The following ANO6 variants were observed in gnomAD, a reference collection of about 807,000 sequenced individuals.
ANO6 encodes anoctamin-6.
Under a neutral mutation model 117.5 loss-of-function variants are expected in ANO6, and 106 were observed. The ratio of observed to expected loss-of-function variants is 0.90; its 90% CI spans 0.77 to 1.06. The LOEUF (loss-of-function observed/expected upper bound fraction) is 1.06. Ranked by LOEUF, ANO6 falls within the 50% of genes least tolerant of loss-of-function variation. The pLI, the probability that ANO6 is intolerant of heterozygous loss-of-function variation, is 0.00. For synonymous variants in ANO6, 367 were observed against 385.1 expected, an observed-to-expected ratio of 0.95 and a Z score of 0.55; for missense variants, 955 against 1,121.1, an observed-to-expected ratio of 0.85 and a Z score of 2.12.
chr12:45,333,138 G>A (rs1451674243), intron 3 of ANO6, among the ~76,000 whole-genome samples: 1 of 151,630 alleles, frequency 6.6e-6, no homozygotes, highest in Non-Finnish European at 1.5e-5. Context: ...ATATAATTAT[G>A]GTTAAGATTA....
intron 1 of ANO6, among the ~76,000 whole-genome samples, chr12:45,227,541 T>G (rs1947503319): frequency 6.6e-6 from 1 of 152,128 alleles, no homozygotes. Context: ...GTATGCACAG[T>G]ACTGGACAAG....
At chr12:45,259,008 A>G (rs200421539) in intron 1 of ANO6, among the ~76,000 whole-genome samples, 125 of 152,282 alleles carry the variant, frequency 8.2e-4, no homozygotes, top group East Asian at 2.9e-3. Context: ...TTCTTGGGGA[A>G]GGGGTGGATT....
At chr12:45,230,649 C>T (rs1291261835) in intron 1 of ANO6, among the ~76,000 whole-genome samples, 3 of 151,744 alleles carry the variant, frequency 2.0e-5, no homozygotes, top group Non-Finnish European at 4.4e-5. Context: ...AGGTAAGGTT[C>T]ATAATAGAAT....
chr12:45,377,797 C>T (rs1480479966), intron 9 of ANO6, among the ~76,000 whole-genome samples: 1 of 152,128 alleles, frequency 6.6e-6, no homozygotes, highest in African/African-American at 2.4e-5. Context: ...ATACCTGTTT[C>T]CTTATTGGGA....
chr12:45,275,954 C>T (rs986906954), intron 1 of ANO6, among the ~76,000 whole-genome samples: 2 of 152,128 alleles, frequency 1.3e-5, no homozygotes, highest in African/African-American at 4.8e-5. Context: ...ACACTGAGCT[C>T]TTCTGAGTTC....
chr12:45,367,580 CTAG>C (rs1941718119), intron 8 of ANO6, 105 bp from the exon 9 acceptor site: 1 of 805,428 alleles, frequency 1.2e-6, no homozygotes, highest in African/African-American at 1.7e-5. Flanking sequence ...ACTTCTGTTT[CTAG>C]TTTTACAAGA....
chr12:45,336,204 C>G (rs773648135), intron 3 of ANO6, among the ~76,000 whole-genome samples: 2 of 151,930 alleles, frequency 1.3e-5, no homozygotes, highest in Non-Finnish European at 2.9e-5. Flanking sequence ...GGTTTTAAAG[C>G]TTATCAAATG....
At chr12:45,266,675 T>C (rs571044520) in intron 1 of ANO6, among the ~76,000 whole-genome samples, 21 of 152,250 alleles carry the variant, frequency 1.4e-4, no homozygotes, top group African/African-American at 5.1e-4. Flanking sequence ...CATGCACTTG[T>C]AGTTCGAGCT....
At position 45,401,837 on chromosome 12, in the gene ANO6, A is replaced by G; in HGVS notation, c.1429A>G (p.Arg477Gly). Residue 477 changes from arginine to glycine, a missense_variant, in exon 13 of 20, where the codon AGG becomes GGG. By Grantham distance (125) the Arg-to-Gly change is moderately radical. Transcript: ENST00000320560. The stretch of plus-strand genomic sequence containing the variant: ...TTCAGTTATTGGGATCATTGTCTAT[A>G]GGCTCTCGGTGTTCATTGTATTTTC... ...IASVIGIIVY[R>G]LSVFIVFSAK... The G allele has an allele frequency of 6.2e-7, 1 of 1,614,006 alleles. No homozygotes were observed. Among genetic ancestry groups the G allele is most frequent in the Non-Finnish European group, 8.5e-7 (1 of 1,179,996 alleles).
intron 1 of ANO6, among the ~76,000 whole-genome samples, chr12:45,239,680 A>G (rs1249992933): frequency 6.6e-6 from 1 of 152,176 alleles, no homozygotes; most frequent in Non-Finnish European, 1.5e-5. Context: ...TCTTGTGGGC[A>G]TTTAGTGCTA....
intron 1 of ANO6, among the ~76,000 whole-genome samples, chr12:45,281,423 G>A (rs906177265): frequency 1.3e-5 from 2 of 152,178 alleles, no homozygotes; most frequent in African/African-American, 2.4e-5. Flanking sequence ...AGTTCTGCAG[G>A]CTATACAGGA....
chr12:45,289,923 C>T (rs1939040709), intron 1 of ANO6, among the ~76,000 whole-genome samples: 1 of 152,180 alleles, frequency 6.6e-6, no homozygotes, highest in Non-Finnish European at 1.5e-5. Flanking sequence ...AGAATTCAAA[C>T]ATCCATAAAG....
intron 1 of ANO6, among the ~76,000 whole-genome samples, chr12:45,262,154 C>G (rs1237261785): frequency 6.6e-6 from 1 of 152,160 alleles, no homozygotes; most frequent in Non-Finnish European, 1.5e-5. Flanking sequence ...CCCAACACTA[C>G]CCCTCAAAGA....
At chr12:45,245,165 T>G (rs1947805726) in intron 1 of ANO6, among the ~76,000 whole-genome samples, 1 of 152,204 alleles carries the variant, frequency 6.6e-6, no homozygotes, top group African/African-American at 2.4e-5. Flanking sequence ...TGAAACCACC[T>G]TTGTGGACTG....
rs148639410 is a variant in ANO6, at chr12:45,337,820, A to G, written c.279+6397A>G. On this transcript the variant is annotated intron_variant, in intron 3 of 19. Transcript: ENST00000320560. Reference sequence around the variant, plus strand: ...ACAAAAGTTTGTGACGTGTAAATGCATATGTTAATCAGCTTGATTTTGGCT... The same window carrying G: ...ACAAAAGTTTGTGACGTGTAAATGCGTATGTTAATCAGCTTGATTTTGGCT... 3.9e-3 allele frequency among the ~76,000 whole-genome samples: 591 copies of G among 152,148 alleles called. 2 individuals carry two copies. The highest frequency in any genetic ancestry group is 5.6e-3 in the Admixed American group (86 of 15,260).
chr12:45,243,255 G>T (rs1171776673), intron 1 of ANO6, among the ~76,000 whole-genome samples: 4 of 152,186 alleles, frequency 2.6e-5, no homozygotes, highest in Non-Finnish European at 5.9e-5. Context: ...GGAGGTTGAG[G>T]CTGCAGTGAG....
Position 45,439,695 on chromosome 12 carries a change from G to A in ANO6, c.2547G>A (p.Arg849=), listed in dbSNP as rs1163738728. The A allele has an allele frequency of 6.0e-6, 9 of 1,502,946 alleles. No homozygotes were observed. The Admixed American group carries it at 1.5e-4, about 25-fold the overall frequency. 93.1% of individuals were successfully genotyped at this position (1,502,946 alleles called of 1,614,324 possible). ...GACAGTATCTCGCTTTGTTGCCCAGGCTGGGACACAGTGGCATGATCTTGG... is the reference window on the plus strand; with the variant it reads ...GACAGTATCTCGCTTTGTTGCCCAGACTGGGACACAGTGGCATGATCTTGG... The change falls in exon 20 of 20, where the codon AGG becomes AGA. Residue 849 remains arginine, a synonymous_variant. Coordinates refer to the ANO6 transcript ENST00000425752.
chr12:45,402,783 T>C (rs117913659), intron 13 of ANO6, among the ~76,000 whole-genome samples: 1 of 152,222 alleles, frequency 6.6e-6, no homozygotes, highest in African/African-American at 2.4e-5. Flanking sequence ...CAGTTCTTAT[T>C]TGATAACACT....
chr12:45,334,979 A>T lies in ANO6; in HGVS notation c.279+3556A>T, dbSNP rs566752366. Among the ~76,000 whole-genome samples, 35 of 152,104 alleles carry T rather than the reference A, an allele frequency of 2.3e-4. No individual in the cohort carries two copies. The South Asian group carries it at 7.3e-3, about 32-fold the overall frequency. On this transcript the variant is annotated intron_variant, in intron 3 of 19. Coordinates refer to ENST00000320560, the MANE Select transcript of ANO6 (RefSeq NM_001025356.3). ...TGTGTTAGTGACCAAGTAATGGTAC[A>T]ATTCAGATGAGGGTGAAGATGGGGA... is the stretch of plus-strand genomic sequence containing the variant.
Sources: allele counts gnomAD v4.1 joint callset (sites outside exome capture counted in the v4.1 genomes callset), GRCh38; gene constraint gnomAD v4.1.1; transcripts MANE v1.5; gene names NCBI Gene and HGNC (gene_info 2026-07-23, HGNC 2026-07-21).